Variants in DCAF8L2 observed in about 807,000 individuals in gnomAD.
DCAF8L2 encodes the protein DDB1- and CUL4-associated factor 8-like protein 2.
For missense variants in DCAF8L2, 430 were observed against 490.7 expected (o/e 0.88, Z 1.17); for synonymous variants, 200 against 190.9 (o/e 1.05, Z -0.39).
the DCAF8L2 span, among the ~76,000 whole-genome samples, chrX:27,488,774 A>C: frequency 9.2e-6 from 1 of 108,976 alleles, no homozygotes; most frequent in African/African-American, 3.3e-5. Flanking sequence ...CTCTTTGCCT[A>C]CCTCCTCAGT....
intron 3 of DCAF8L2, among the ~76,000 whole-genome samples, chrX:27,689,575 G>T (rs965134044): frequency 8.0e-5 from 9 of 112,727 alleles, no homozygotes; most frequent in Non-Finnish European, 1.5e-4. Flanking sequence ...AGAATACATT[G>T]CCACATTATA....
intron 2 of DCAF8L2, among the ~76,000 whole-genome samples, chrX:27,660,716 T>C (rs1929528895): frequency 9.0e-6 from 1 of 111,444 alleles, no homozygotes; most frequent in Admixed American, 9.5e-5. Flanking sequence ...AGATGTAGGG[T>C]GGTTCTACTG....
chrX:27,556,136 G>A, the DCAF8L2 span, among the ~76,000 whole-genome samples: 16 of 111,253 alleles, frequency 1.4e-4, no homozygotes, highest in East Asian at 1.7e-3. Flanking sequence ...CAAGTTTGTC[G>A]CTCATTGGGT....
intron 2 of DCAF8L2, among the ~76,000 whole-genome samples, chrX:27,657,169 A>T (rs773023291): frequency 4.0e-4 from 44 of 111,271 alleles, no homozygotes; most frequent in African/African-American, 1.4e-3. Flanking sequence ...GTTAATACTT[A>T]ATAACCTCCC....
chrX:27,729,701 G>A (rs1464743255), intron 4 of DCAF8L2, among the ~76,000 whole-genome samples: 1 of 111,482 alleles, frequency 9.0e-6, no homozygotes, highest in African/African-American at 3.3e-5. Flanking sequence ...TCTTTTAAAA[G>A]GGCACTAGTC....
chrX:27,570,817 G>T, the DCAF8L2 span, among the ~76,000 whole-genome samples: 1 of 111,840 alleles, frequency 8.9e-6, no homozygotes, highest in Non-Finnish European at 1.9e-5. Context: ...CAAATAGACT[G>T]TAAGCAATTT....
At chrX:27,572,260 CA>C in the DCAF8L2 span, among the ~76,000 whole-genome samples, 1 of 111,498 alleles carries the variant, frequency 9.0e-6, no homozygotes, top group African/African-American at 3.3e-5. Context: ...TACAGTCAAG[CA>C]ATTCTAAGTA....
chrX:27,598,715 A>G (rs1437097815), intron 1 of DCAF8L2, among the ~76,000 whole-genome samples: 3 of 111,343 alleles, frequency 2.7e-5, no homozygotes, highest in African/African-American at 9.8e-5. Flanking sequence ...CCCTAGTCCA[A>G]CTGAGCCAGT....
At chrX:27,545,771 C>A in the DCAF8L2 span, among the ~76,000 whole-genome samples, 7 of 111,828 alleles carry the variant, frequency 6.3e-5, no homozygotes, top group African/African-American at 2.3e-4. Flanking sequence ...AGGAAACTTA[C>A]AATCATAGTG....
At chrX:27,662,362 A>AT (rs1929589362) in intron 2 of DCAF8L2, among the ~76,000 whole-genome samples, 1 of 110,962 alleles carries the variant, frequency 9.0e-6, no homozygotes, top group Non-Finnish European at 1.9e-5. Context: ...AAATAGGGAT[A>AT]TTTTTTCCAT....
intron 2 of DCAF8L2, among the ~76,000 whole-genome samples, chrX:27,640,758 T>G (rs1480668900): frequency 9.0e-6 from 1 of 111,360 alleles, no homozygotes; most frequent in Non-Finnish European, 1.9e-5. Context: ...TTTCAGTTAA[T>G]TTGTTTTTAT....
At chrX:27,590,504 A>C (rs749316617) in intron 1 of DCAF8L2, 64 bp downstream of exon 1, 2 of 111,516 alleles carry the variant, frequency 1.8e-5, no homozygotes, top group Non-Finnish European at 3.8e-5. Flanking sequence ...TTAATTGCAG[A>C]GATCTTTCTA....
intron 3 of DCAF8L2, among the ~76,000 whole-genome samples, chrX:27,713,483 C>A (rs956587339): frequency 6.3e-5 from 7 of 111,182 alleles, no homozygotes; most frequent in Non-Finnish European, 1.1e-4. Flanking sequence ...GCAGAAATAC[C>A]TAGGACATAC....
chrX:27,633,184 T>G (rs1275372763), intron 2 of DCAF8L2: 1 of 112,044 alleles, frequency 8.9e-6, no homozygotes, highest in Non-Finnish European at 1.9e-5. Context: ...TAAAGCTTCT[T>G]TAGTAAATGT....
the DCAF8L2 span, among the ~76,000 whole-genome samples, chrX:27,495,584 ATT>A: frequency 2.7e-5 from 3 of 111,721 alleles, no homozygotes; most frequent in African/African-American, 9.7e-5. Context: ...ATAAATATAC[ATT>A]TTATTTTTTT....
chrX:27,658,125 C>T (rs1929421063), intron 2 of DCAF8L2, among the ~76,000 whole-genome samples: 1 of 112,333 alleles, frequency 8.9e-6, no homozygotes, highest in African/African-American at 3.2e-5. Flanking sequence ...TTTCAGAAAC[C>T]TGAAGAGGTT....
intron 1 of DCAF8L2, among the ~76,000 whole-genome samples, chrX:27,598,116 A>G (rs1052932782): frequency 6.2e-5 from 7 of 112,376 alleles, no homozygotes; most frequent in Non-Finnish European, 1.3e-4. Flanking sequence ...TATTCTCCCT[A>G]TGGAGGAGTA....
At chrX:27,615,168 A>G (rs1051095634) in intron 1 of DCAF8L2, among the ~76,000 whole-genome samples, 1 of 111,664 alleles carries the variant, frequency 9.0e-6, no homozygotes, top group Admixed American at 9.6e-5. Context: ...TTACTCTAAA[A>G]AGGAATTAAT....
upstream of DCAF8L2, among the ~76,000 whole-genome samples, chrX:27,588,163 C>T (rs993445355): frequency 1.8e-5 from 2 of 108,215 alleles, no homozygotes; most frequent in African/African-American, 6.8e-5. Flanking sequence ...AACCCTTGCT[C>T]CCTCGGTCCC....
Sources: gnomAD v4.1 joint callset for allele counts (sites outside exome capture counted in the v4.1 genomes callset) on GRCh38, gnomAD v4.1.1 for gene constraint, MANE v1.5 for transcripts, NCBI Gene and HGNC (gene_info 2026-07-23, HGNC 2026-07-21) for gene names.